Variants in DOCK4 observed in about 807,000 individuals in gnomAD.
DOCK4 encodes the protein dedicator of cytokinesis 4, also known as dedicator of cytokinesis protein 4.
A neutral mutation model predicts 268.1 loss-of-function variants in DOCK4; 97 were observed. The observed-to-expected ratio is 0.36, with a 90% confidence interval of 0.31 to 0.43. The LOEUF (loss-of-function observed/expected upper bound fraction) is 0.43, where lower values mean the gene tolerates loss of function less well. Ranked by LOEUF, DOCK4 falls within the 20% of genes least tolerant of loss-of-function variation. DOCK4 has a pLI of 1.00. For synonymous variants in DOCK4, 954 were observed against 887.2 expected, an observed-to-expected ratio of 1.08 and a Z score of -1.34; for missense variants, 2,145 against 2,455.7, an observed-to-expected ratio of 0.87 and a Z score of 2.67.
intron 31 of DOCK4, among the ~76,000 whole-genome samples, chr7:111,790,187 T>C (rs1205267850): frequency 6.6e-6 from 1 of 152,176 alleles, no homozygotes; most frequent in Non-Finnish European, 1.5e-5. Context: ...ATAAAGTCTC[T>C]GCAAGTTCTT....
At chr7:111,796,615 T>C (rs1799913038) in intron 30 of DOCK4, among the ~76,000 whole-genome samples, 1 of 152,158 alleles carries the variant, frequency 6.6e-6, no homozygotes, top group African/African-American at 2.4e-5. Context: ...ACTTAATTAG[T>C]AAGGGGATTT....
At chr7:111,857,297 A>T (rs1805090121) in intron 23 of DOCK4, among the ~76,000 whole-genome samples, 1 of 152,186 alleles carries the variant, frequency 6.6e-6, no homozygotes, top group South Asian at 2.1e-4. Context: ...CTATCTTTCC[A>T]TTAATTTTTT....
At chr7:111,836,792 T>C (rs1803273375) in intron 25 of DOCK4, among the ~76,000 whole-genome samples, 1 of 151,916 alleles carries the variant, frequency 6.6e-6, no homozygotes, top group African/African-American at 2.4e-5. Flanking sequence ...GAAAAGATTA[T>C]TGAACTTGAA....
intron 12 of DOCK4, among the ~76,000 whole-genome samples, chr7:111,922,968 T>C (rs1194658781): frequency 1.3e-5 from 2 of 152,220 alleles, no homozygotes. Flanking sequence ...TCATCTGAAA[T>C]TTTATTTTAT....
intron 1 of DOCK4, among the ~76,000 whole-genome samples, chr7:112,126,982 C>G (rs1331703011): frequency 6.6e-6 from 1 of 152,022 alleles, no homozygotes; most frequent in African/African-American, 2.4e-5. Flanking sequence ...CTAGTTCAAC[C>G]ATTGTGGAAG....
chr7:111,809,022 C>A (rs1800877976), intron 29 of DOCK4, 143 bp from the exon 30 acceptor site: 3 of 901,350 alleles, frequency 3.3e-6, no homozygotes, highest in African/African-American at 3.4e-5. Context: ...TGTCACGATG[C>A]CTCTAAGTCA....
At chr7:111,825,856 G>T (rs1263350112) in intron 26 of DOCK4, among the ~76,000 whole-genome samples, 1 of 152,162 alleles carries the variant, frequency 6.6e-6, no homozygotes, top group Middle Eastern at 3.2e-3. Context: ...ACAATAAAAA[G>T]TCCCATAATT....
intron 1 of DOCK4, among the ~76,000 whole-genome samples, chr7:112,137,988 A>G (rs1019274534): frequency 2.0e-5 from 3 of 152,276 alleles, no homozygotes; most frequent in East Asian, 3.9e-4. Flanking sequence ...ATCATAATCA[A>G]TCATCATCAT....
intron 1 of DOCK4, among the ~76,000 whole-genome samples, chr7:112,163,748 T>C (rs1475394444): frequency 6.6e-6 from 1 of 152,112 alleles, no homozygotes; most frequent in Admixed American, 6.5e-5. Flanking sequence ...GTTAAGTAAA[T>C]TGCCCCAGAC....
At chr7:111,909,926 C>T (rs1291935708) in intron 13 of DOCK4, among the ~76,000 whole-genome samples, 1 of 150,442 alleles carries the variant, frequency 6.6e-6, no homozygotes, top group East Asian at 2.0e-4. Flanking sequence ...TGTACTACTA[C>T]ACTCCAGCCT....
chr7:112,018,179 A>AAAAAAAAAAAAAAAAAAACAAC, intron 1 of DOCK4, among the ~76,000 whole-genome samples: 2 of 72,630 alleles, frequency 2.8e-5, no homozygotes, highest in African/African-American at 1.1e-4. Flanking sequence ...AAAAAAAAAA[A>AAAAAAAAAAAAAAAAAAACAAC]ACACAGGCAA....
At chr7:112,109,084 C>T (rs1811395155) in intron 1 of DOCK4, among the ~76,000 whole-genome samples, 1 of 152,020 alleles carries the variant, frequency 6.6e-6, no homozygotes, top group South Asian at 2.1e-4. Context: ...GGATTTATCT[C>T]AATAAGAGAT....
chr7:111,893,683 T>G (rs1808483945), intron 16 of DOCK4, among the ~76,000 whole-genome samples: 2 of 152,328 alleles, frequency 1.3e-5, no homozygotes, highest in South Asian at 2.1e-4. Context: ...TTACTATGCT[T>G]TAAAATATTT....
chr7:112,013,822 A>G (rs896610663), intron 1 of DOCK4, among the ~76,000 whole-genome samples: 255 of 145,204 alleles, frequency 1.8e-3, no homozygotes, highest in African/African-American at 6.8e-3. Context: ...ATCCCCTTTA[A>G]GTCCCTCCAT....
chr7:112,081,667 C>T (rs1808597226), intron 1 of DOCK4, among the ~76,000 whole-genome samples: 1 of 152,048 alleles, frequency 6.6e-6, no homozygotes, highest in Non-Finnish European at 1.5e-5. Context: ...GAAAAATAAA[C>T]AAATCTTGGT....
intron 6 of DOCK4, among the ~76,000 whole-genome samples, chr7:111,985,694 T>C (rs1282552278): frequency 6.6e-6 from 1 of 152,206 alleles, no homozygotes; most frequent in Non-Finnish European, 1.5e-5. Context: ...ATGATGTTTC[T>C]CTTTGGGAAA....
chr7:112,186,104 G>A (rs1220982109), intron 1 of DOCK4, among the ~76,000 whole-genome samples: 3 of 152,180 alleles, frequency 2.0e-5, no homozygotes, highest in East Asian at 1.9e-4. Flanking sequence ...GAAGCAGACC[G>A]AGCAGAGGTT....
At chr7:112,008,673 T>C (rs1801048759) in intron 1 of DOCK4, among the ~76,000 whole-genome samples, 1 of 152,216 alleles carries the variant, frequency 6.6e-6, no homozygotes, top group Non-Finnish European at 1.5e-5. Context: ...GTCCATGACT[T>C]TTAAAATTTT....
intron 50 of DOCK4, among the ~76,000 whole-genome samples, chr7:111,736,040 A>G (rs1795450521): frequency 1.3e-5 from 2 of 152,248 alleles, no homozygotes; most frequent in Admixed American, 1.3e-4. Flanking sequence ...CTACTGACAA[A>G]GATGAACATG....
Sources: allele counts gnomAD v4.1 joint callset (sites outside exome capture counted in the v4.1 genomes callset), GRCh38; gene constraint gnomAD v4.1.1; transcripts MANE v1.5; gene names NCBI Gene and HGNC (gene_info 2026-07-23, HGNC 2026-07-21).